CUBN: variants seen among roughly 807,000 people sequenced by gnomAD.
The protein encoded by CUBN is cubilin.
A neutral mutation model predicts 405.3 loss-of-function variants in CUBN; 282 were observed. The ratio of observed to expected loss-of-function variants is 0.70; its 90% CI spans 0.63 to 0.77. CUBN has a LOEUF of 0.77. Ranked by LOEUF, CUBN falls within the 30% of genes least tolerant of loss-of-function variation. CUBN has a pLI of 0.00. For synonymous variants in CUBN, 1,684 were observed against 1,617.0 expected, an observed-to-expected ratio of 1.04 and a Z score of -0.99; for missense variants, 4,514 against 4,475.2, an observed-to-expected ratio of 1.01 and a Z score of -0.25.
At chr10:17,041,354 G>GC in intron 26 of CUBN, 134 bp from the exon 27 acceptor site, 2 of 706,920 alleles carry the variant, frequency 2.8e-6, no homozygotes, top group South Asian at 1.6e-5. Flanking sequence ...GTGTATATAT[G>GC]TGTGTGTATA....
At chr10:17,044,029 T>C (rs1264187883) in intron 25 of CUBN, 46 bp from the exon 26 acceptor site, 4 of 1,512,980 alleles carry the variant, frequency 2.6e-6, no homozygotes, top group Non-Finnish European at 2.7e-6. Flanking sequence ...ACTATAAACA[T>C]TATGTAAAGG....
At chr10:16,860,038 G>A (rs1326516665) in intron 59 of CUBN, among the ~76,000 whole-genome samples, 1 of 152,038 alleles carries the variant, frequency 6.6e-6, no homozygotes, top group Non-Finnish European at 1.5e-5. Context: ...GGTAACTACT[G>A]AAACAAGAGT....
At chr10:16,849,870 AC>A (rs959743929) in intron 60 of CUBN, among the ~76,000 whole-genome samples, 1 of 151,236 alleles carries the variant, frequency 6.6e-6, no homozygotes, top group African/African-American at 2.4e-5. Flanking sequence ...TCATTGGAAA[AC>A]CTTCAACCAC....
intron 54 of CUBN, among the ~76,000 whole-genome samples, chr10:16,898,042 T>C (rs1429915508): frequency 7.0e-6 from 1 of 142,892 alleles, no homozygotes; most frequent in Non-Finnish European, 1.5e-5. Flanking sequence ...AAGAAAAGTG[T>C]ATATTAAATG....
At chr10:16,933,443 C>T (rs956333688) in intron 39 of CUBN, among the ~76,000 whole-genome samples, 159 bp from the exon 40 acceptor site, 35 of 152,122 alleles carry the variant, frequency 2.3e-4, no homozygotes, top group Admixed American at 2.0e-3. Context: ...CCCACTGATT[C>T]GGAAAGCTGC....
intron 56 of CUBN, among the ~76,000 whole-genome samples, chr10:16,886,463 G>C (rs765096899): frequency 2.6e-5 from 4 of 152,208 alleles, no homozygotes; most frequent in African/African-American, 9.6e-5. Flanking sequence ...TTTAGAAATA[G>C]AAAGCTGATA....
intron 48 of CUBN, among the ~76,000 whole-genome samples, chr10:16,913,481 C>CTGTG (rs910565361): frequency 6.6e-6 from 1 of 152,142 alleles, no homozygotes. Context: ...GTGGCTTGTG[C>CTGTG]TGTGACTCTG....
At position 17,088,465 on chromosome 10, in the gene CUBN, C is replaced by T. The variant is rs529596652; in HGVS notation, c.1766-120G>A. On this transcript the variant is annotated intron_variant, in intron 14 of 66. Transcript: ENST00000377833. The stretch of plus-strand genomic sequence containing the variant: ...TTAAATAACTATGAGCAGTTTTAGA[C>T]ACCCTCATAAATTAAAAAAGATTTA... The T allele has an allele frequency of 4.1e-6, 3 of 735,762 alleles. No homozygotes were observed. The South Asian group carries it at 4.8e-5, about 12-fold the overall frequency. 45.6% of individuals were successfully genotyped at this position (735,762 alleles called of 1,614,324 possible).
chr10:16,857,781 T>C (rs1199164745), intron 59 of CUBN, among the ~76,000 whole-genome samples: 2 of 152,176 alleles, frequency 1.3e-5, no homozygotes, highest in Admixed American at 1.3e-4. Context: ...ACGATATTGA[T>C]TTCACACCCC....
chr10:16,947,221 A>C lies in CUBN; in HGVS notation c.5342+14T>G, dbSNP rs367727286. The C allele has an allele frequency of 8.1e-6, 13 of 1,613,178 alleles. No homozygotes were observed. The African/African-American group carries it at 1.7e-4, about 22-fold the overall frequency. ...CATTAGCACTGAAACAATACACCAT[A>C]AAAAAGGATTTACATAAAAGACAGC... is the stretch of plus-strand genomic sequence containing the variant. On this transcript the variant is annotated intron_variant, in intron 36 of 66. Transcript: ENST00000377833.
At chr10:16,973,419 G>C (rs1832997145) in intron 31 of CUBN, among the ~76,000 whole-genome samples, 1 of 152,208 alleles carries the variant, frequency 6.6e-6, no homozygotes, top group Non-Finnish European at 1.5e-5. Context: ...AGATTCGAAA[G>C]TGGGCTCTTC....
intron 17 of CUBN, 38 bp downstream of exon 17, chr10:17,084,233 T>C (rs758312664): frequency 1.2e-6 from 2 of 1,601,780 alleles, no homozygotes; most frequent in South Asian, 2.2e-5. Flanking sequence ...AAAATGTTGA[T>C]GAATGTCATC....
chr10:16,825,053 G>A lies in CUBN; in HGVS notation c.10794C>T (p.Ser3598=). ...GDTSIAPFVA[S]SNQVFIKFHA... ...GAAATTTTATGAAGACCTGATTTGA[G>A]GAAGCCACGAAGGGAGCTATGCTGG... The change falls in exon 67 of 67, where the codon TCC becomes TCT. Residue 3598 remains serine (S), a synonymous_variant. Coordinates refer to ENST00000377833, the MANE Select transcript of CUBN (RefSeq NM_001081.4). The A allele has an allele frequency of 6.2e-7, 1 of 1,613,646 alleles. No individual in the cohort carries two copies. Among genetic ancestry groups the A allele is most frequent in the Non-Finnish European group, 8.5e-7 (1 of 1,179,820 alleles).
chr10:17,016,231 C>T (rs1411904076), intron 28 of CUBN, among the ~76,000 whole-genome samples: 5 of 151,952 alleles, frequency 3.3e-5, no homozygotes, highest in Non-Finnish European at 5.9e-5. Context: ...TTGAATAATT[C>T]ATGGGCTTTT....
rs1839124871 is a variant in CUBN, at chr10:16,835,009, A to G, written c.10362+5T>C. ...TCATTCAAACGATATTCAAATGCATATCACCTCCAAGAAATCGTTTCTGCA... is the reference window on the plus strand; with the variant it reads ...TCATTCAAACGATATTCAAATGCATGTCACCTCCAAGAAATCGTTTCTGCA... On this transcript the variant is annotated splice_donor_5th_base_variant and intron_variant, in intron 64 of 66. Transcript: ENST00000377833. 1.2e-6 allele frequency: 2 copies of G among 1,612,738 alleles called. No homozygotes were observed. The highest frequency in any genetic ancestry group is 1.7e-6 in the Non-Finnish European group (2 of 1,178,700).
At chr10:17,001,137 T>A (rs551336109) in intron 28 of CUBN, among the ~76,000 whole-genome samples, 3 of 152,096 alleles carry the variant, frequency 2.0e-5, no homozygotes, top group Non-Finnish European at 4.4e-5. Flanking sequence ...TTCTTCCCGG[T>A]GGGTTTCTGG....
chr10:16,857,033 A>T (rs930930845), intron 59 of CUBN, among the ~76,000 whole-genome samples: 5 of 152,216 alleles, frequency 3.3e-5, no homozygotes, highest in African/African-American at 1.2e-4. Context: ...CAGTGTATTC[A>T]TGTAAAAACA....
rs1837277610 is a variant in CUBN, at chr10:17,129,784, GGTAAGA to G, written c.-25_-20del. 9 of 1,613,496 alleles carry G rather than the reference GGTAAGA, an allele frequency of 5.6e-6. No individual in the cohort carries two copies. Among genetic ancestry groups the G allele is most frequent in the Non-Finnish European group, 7.6e-6 (9 of 1,179,668 alleles). On this transcript the variant is annotated 5_prime_UTR_variant, in exon 1 of 67. Coordinates refer to ENST00000377833, the MANE Select transcript of CUBN (RefSeq NM_001081.4). The stretch of plus-strand genomic sequence containing the variant: ...TCATCATCAACCTCCCAGGTTGGCA[GGTAAGA>G]GTGAGGCCACTCCAACCAACTGAGC...
In CUBN at chr10:16,910,752, T is replaced by C. The variant is rs182632732; in HGVS notation, c.7533+3059A>G. On this transcript the variant is annotated intron_variant, in intron 48 of 66. Transcript: ENST00000377833. ...GAGCAACACAAAACTTCAAAATTAT[T>C]ATTAATATATTCATATATATTAATA... Among the ~76,000 whole-genome samples, 20 of 151,270 alleles carry C rather than the reference T, an allele frequency of 1.3e-4. No homozygotes were observed. In the East Asian group the frequency reaches 3.9e-3, roughly 29 times the overall value.
Sources: allele counts gnomAD v4.1 joint callset (sites outside exome capture counted in the v4.1 genomes callset), GRCh38; gene constraint gnomAD v4.1.1; transcripts MANE v1.5; gene names NCBI Gene and HGNC (gene_info 2026-07-23, HGNC 2026-07-21).